ELMO1: variants seen among roughly 807,000 people sequenced by gnomAD.
ELMO1 encodes the protein engulfment and cell motility protein 1.
Under a neutral mutation model 98.9 loss-of-function variants are expected in ELMO1, and 26 were observed. The observed-to-expected ratio is 0.26, with a 90% CI of 0.19 to 0.36. The LOEUF (loss-of-function observed/expected upper bound fraction) is 0.36. ELMO1 is among the 10% of genes least tolerant of loss of function. The probability of loss-of-function intolerance (pLI) is 1.00; values close to 1 mark genes in which losing one functional copy is unlikely to be tolerated. For synonymous variants in ELMO1, 346 were observed against 346.0 expected (o/e 1.00, Z 0.00); for missense variants, 627 against 935.2 (o/e 0.67, Z 4.30).
intron 18 of ELMO1, among the ~76,000 whole-genome samples, chr7:36,879,764 A>G (rs1804270403): frequency 6.6e-6 from 1 of 152,248 alleles, no homozygotes; most frequent in African/African-American, 2.4e-5. Context: ...GTCATTTAAC[A>G]GCTAGGAAAA....
intron 15 of ELMO1, among the ~76,000 whole-genome samples, chr7:37,075,799 T>C (rs531968011): frequency 4.4e-4 from 67 of 152,306 alleles, no homozygotes; most frequent in African/African-American, 1.5e-3. Flanking sequence ...TGACAGATGA[T>C]GATCACCCTT....
intron 14 of ELMO1, among the ~76,000 whole-genome samples, chr7:37,113,644 T>C (rs1386586228): frequency 6.6e-6 from 1 of 152,180 alleles, no homozygotes; most frequent in Non-Finnish European, 1.5e-5. Context: ...ATGGACGGAA[T>C]TGCACCCTTC....
At chr7:37,425,104 T>C (rs1804647204) in intron 1 of ELMO1, among the ~76,000 whole-genome samples, 2 of 152,170 alleles carry the variant, frequency 1.3e-5, no homozygotes. Flanking sequence ...TTCAGGATGC[T>C]CTAACAAAGT....
chr7:37,030,010 T>A (rs1335432172), intron 15 of ELMO1, among the ~76,000 whole-genome samples: 4 of 152,190 alleles, frequency 2.6e-5, no homozygotes, highest in Admixed American at 2.0e-4. Flanking sequence ...CAGGTGGCTA[T>A]AATCCAATCA....
chr7:36,899,089 C>A (rs965077379), intron 16 of ELMO1, among the ~76,000 whole-genome samples: 2 of 152,064 alleles, frequency 1.3e-5, no homozygotes. Flanking sequence ...GAGAACATAG[C>A]CATGGGTGGG....
chr7:37,335,749 T>C (rs1002906879), intron 2 of ELMO1, among the ~76,000 whole-genome samples: 5 of 152,212 alleles, frequency 3.3e-5, no homozygotes, highest in African/African-American at 4.8e-5. Context: ...TCTCTTCCCA[T>C]TGCCCTTTTT....
chr7:36,953,127 G>A (rs1459413706), intron 16 of ELMO1, among the ~76,000 whole-genome samples: 1 of 151,676 alleles, frequency 6.6e-6, no homozygotes, highest in Admixed American at 6.6e-5. Context: ...CACCACGCCC[G>A]GCTAATTTTT....
intron 16 of ELMO1, among the ~76,000 whole-genome samples, chr7:36,960,826 T>C (rs1180678163): frequency 6.6e-6 from 1 of 152,188 alleles, no homozygotes; most frequent in Non-Finnish European, 1.5e-5. Flanking sequence ...ATGACACACC[T>C]AGTCAAACCA....
Position 37,178,314 on chromosome 7 carries a change from AAGACTT to A in ELMO1, c.1086+33066_1086+33071del, listed in dbSNP as rs571157582. 2.4e-4 allele frequency among the ~76,000 whole-genome samples: 36 copies of A among 152,220 alleles called. No individual in the cohort carries two copies. The East Asian group carries it at 6.4e-3, about 27-fold the overall frequency. ...GTCTTACAAAACCATCAGATCTTGT[AAGACTT>A]ATTCACTACCACGAGAATAGCATGG... On this transcript the variant is annotated intron_variant, in intron 13 of 21. Coordinates refer to ENST00000310758, the MANE Select transcript of ELMO1 (RefSeq NM_014800.11).
chr7:37,085,096 A>G (rs1783689327), intron 15 of ELMO1, among the ~76,000 whole-genome samples: 1 of 152,176 alleles, frequency 6.6e-6, no homozygotes, highest in Non-Finnish European at 1.5e-5. Flanking sequence ...TCAAGTGCCC[A>G]AGGCTGGGAG....
chr7:37,060,546 C>T (rs765269336), intron 15 of ELMO1, among the ~76,000 whole-genome samples: 2 of 152,090 alleles, frequency 1.3e-5, no homozygotes, highest in Non-Finnish European at 2.9e-5. Context: ...ATCTAACTAT[C>T]GGATACTATG....
intron 4 of ELMO1, among the ~76,000 whole-genome samples, chr7:37,310,679 A>T (rs886847511): frequency 6.6e-6 from 1 of 152,162 alleles, no homozygotes; most frequent in Non-Finnish European, 1.5e-5. Flanking sequence ...GATGACAGTG[A>T]TGCCCAAAGA....
chr7:37,239,445 G>A lies in ELMO1; in HGVS notation c.449+4911C>T, dbSNP rs1353548858. 4.6e-5 allele frequency among the ~76,000 whole-genome samples: 7 copies of A among 152,238 alleles called. No individual in the cohort carries two copies. In the East Asian group the frequency reaches 7.7e-4, roughly 17 times the overall value. On this transcript the variant is annotated intron_variant, in intron 7 of 21. Transcript: ENST00000310758. ...CTCCCAAAGTGCTGGGATTACAGGCGTGAGCCACCGCGCCCAGCCAATTTC... is the reference window on the plus strand; with the variant it reads ...CTCCCAAAGTGCTGGGATTACAGGCATGAGCCACCGCGCCCAGCCAATTTC...
intron 6 of ELMO1, among the ~76,000 whole-genome samples, chr7:37,257,667 A>T (rs1331428145): frequency 2.0e-5 from 3 of 150,242 alleles, no homozygotes; most frequent in African/African-American, 7.4e-5. Flanking sequence ...GGAGTTCAAG[A>T]CCAGCCTGGC....
intron 1 of ELMO1, chr7:37,429,251 A>T (rs768234736): frequency 2.6e-5 from 4 of 151,374 alleles, no homozygotes; most frequent in Non-Finnish European, 5.9e-5. Flanking sequence ...CTGGGTTTAA[A>T]CTGTCAGGAT....
chr7:36,911,098 C>A (rs1784313510), intron 16 of ELMO1, among the ~76,000 whole-genome samples: 1 of 152,130 alleles, frequency 6.6e-6, no homozygotes, highest in African/African-American at 2.4e-5. Flanking sequence ...CCAGGAACAA[C>A]CACCCACATG....
In ELMO1 at chr7:37,018,555, C is replaced by A. The variant is rs987215178; in HGVS notation, c.1301-5120G>T. 2.6e-5 allele frequency among the ~76,000 whole-genome samples: 4 copies of A among 152,042 alleles called. No homozygotes were observed. In the East Asian group the frequency reaches 7.7e-4, roughly 29 times the overall value. On this transcript the variant is annotated intron_variant, in intron 15 of 21. Transcript: ENST00000310758. Reference sequence around the variant, plus strand: ...GCAAAGGTGCAATCGTGGCTCACTGCAACCTCTTCCTCCTGGGTTCCAGCG... The same window carrying A: ...GCAAAGGTGCAATCGTGGCTCACTGAAACCTCTTCCTCCTGGGTTCCAGCG...
intron 1 of ELMO1, among the ~76,000 whole-genome samples, chr7:37,406,122 T>C (rs1240297634): frequency 2.0e-5 from 3 of 152,164 alleles, no homozygotes; most frequent in Non-Finnish European, 4.4e-5. Context: ...CCATCATTCA[T>C]GGGAATGCTT....
chr7:37,076,455 T>C (rs1444735870), intron 15 of ELMO1, among the ~76,000 whole-genome samples: 1 of 152,222 alleles, frequency 6.6e-6, no homozygotes, highest in Non-Finnish European at 1.5e-5. Flanking sequence ...TTTGCCCATC[T>C]CACCAGCCAC....
Sources: allele counts gnomAD v4.1 joint callset (sites outside exome capture counted in the v4.1 genomes callset), GRCh38; gene constraint gnomAD v4.1.1; transcripts MANE v1.5; gene names NCBI Gene and HGNC (gene_info 2026-07-23, HGNC 2026-07-21).